KLRG1: variants seen among roughly 807,000 people sequenced by gnomAD.
The protein encoded by KLRG1 is killer cell lectin-like receptor subfamily G member 1.
Under a neutral mutation model 21.8 loss-of-function variants are expected in KLRG1, and 16 were observed. The observed-to-expected ratio is 0.73, with a 90% CI of 0.50 to 1.11. The LOEUF is 1.11. KLRG1 is among the 50% of genes most tolerant of loss of function. The pLI, the probability that KLRG1 is intolerant of heterozygous loss-of-function variation, is 0.00. For missense variants in KLRG1, 173 were observed against 218.3 expected (o/e 0.79, Z 1.31); for synonymous variants, 69 against 75.9 (o/e 0.91, Z 0.47).
the KLRG1 span, chr12:9,153,153 A>T: frequency 2.5e-6 from 4 of 1,614,014 alleles, no homozygotes; most frequent in South Asian, 4.4e-5. Context: ...TTCCCCAGTT[A>T]CTGTTATGAC....
chr12:9,202,326 T>G, the KLRG1 span: 1 of 1,613,906 alleles, frequency 6.2e-7, no homozygotes, highest in Non-Finnish European at 8.5e-7. Flanking sequence ...TACCAGTTCA[T>G]TTCGAGGGCG....
chr12:9,125,982 C>G, the KLRG1 span, among the ~76,000 whole-genome samples: 20 of 152,206 alleles, frequency 1.3e-4, no homozygotes, highest in Non-Finnish European at 2.9e-4. Context: ...ATCCACCCAC[C>G]TCGGCCTCCC....
At chr12:9,085,714 T>C in the KLRG1 span, among the ~76,000 whole-genome samples, 80,756 of 151,404 alleles carry the variant, frequency 0.53, 22,642 homozygotes, top group African/African-American at 0.69. Context: ...TCAATGAAAC[T>C]GAATTGTTTT....
At chr12:9,202,514 T>C in the KLRG1 span, 1 of 1,613,708 alleles carries the variant, frequency 6.2e-7, no homozygotes, top group Non-Finnish European at 8.5e-7. Context: ...CAGTGGAATT[T>C]CCCTACTTAC....
chr12:9,046,706 T>C, the KLRG1 span, among the ~76,000 whole-genome samples: 1 of 152,062 alleles, frequency 6.6e-6, no homozygotes, highest in Non-Finnish European at 1.5e-5. Flanking sequence ...AAAACAAAAA[T>C]TGAGAGAAAT....
the KLRG1 span, among the ~76,000 whole-genome samples, chr12:9,173,637 T>C: frequency 1.3e-5 from 2 of 152,032 alleles, no homozygotes; most frequent in African/African-American, 4.8e-5. Flanking sequence ...TCAGAAATGA[T>C]AGGGGAATAT....
At chr12:9,040,582 AACTT>A in the KLRG1 span, among the ~76,000 whole-genome samples, 1 of 152,136 alleles carries the variant, frequency 6.6e-6, no homozygotes, top group African/African-American at 2.4e-5. Context: ...ATTTTACTAA[AACTT>A]ACTTTTATTT....
At chr12:9,104,496 G>T in the KLRG1 span, 1 of 1,310,578 alleles carries the variant, frequency 7.6e-7, no homozygotes, top group South Asian at 1.5e-5. Flanking sequence ...CCTCTATGTT[G>T]AACATGGTTC....
intron 1 of KLRG1, among the ~76,000 whole-genome samples, chr12:8,978,493 C>T (rs1047975685): frequency 1.3e-5 from 2 of 151,964 alleles, no homozygotes; most frequent in African/African-American, 4.8e-5. Flanking sequence ...CATTTTTAAA[C>T]AATAATTTTT....
chr12:9,129,930 C>T, the KLRG1 span, among the ~76,000 whole-genome samples: 2 of 152,180 alleles, frequency 1.3e-5, no homozygotes, highest in East Asian at 3.8e-4. Context: ...TTATATCTTG[C>T]AAATCTGAAA....
intron 1 of KLRG1, among the ~76,000 whole-genome samples, chr12:8,978,656 CT>C (rs369658965): frequency 0.25 from 37,566 of 147,344 alleles, 5,612 homozygotes; most frequent in Non-Finnish European, 0.33. Context: ...TTCTTTCTTT[CT>C]TTCTTTCTTT....
At chr12:9,022,986 G>A in the KLRG1 span, among the ~76,000 whole-genome samples, 6 of 152,144 alleles carry the variant, frequency 3.9e-5, no homozygotes, top group Non-Finnish European at 5.9e-5. Context: ...CCATTTGGCC[G>A]TTCATCTGTA....
the KLRG1 span, among the ~76,000 whole-genome samples, chr12:9,132,884 A>G: frequency 0.064 from 9,780 of 152,260 alleles, 424 homozygotes; most frequent in Non-Finnish European, 0.093. Context: ...ATGAAACACT[A>G]CTGATCACAA....
the KLRG1 span, among the ~76,000 whole-genome samples, chr12:9,179,865 A>G: frequency 1.3e-5 from 2 of 152,248 alleles, no homozygotes; most frequent in Non-Finnish European, 2.9e-5. Context: ...CTTTACAGAA[A>G]TAGAAGCTGT....
chr12:9,144,304 C>G, the KLRG1 span, among the ~76,000 whole-genome samples: 1 of 152,156 alleles, frequency 6.6e-6, no homozygotes, highest in African/African-American at 2.4e-5. Flanking sequence ...ACTCTGAGAG[C>G]CCACTGGAGA....
chr12:9,166,586 T>C, the KLRG1 span, among the ~76,000 whole-genome samples: 1 of 152,210 alleles, frequency 6.6e-6, no homozygotes, highest in African/African-American at 2.4e-5. Context: ...GTGGTTGCTA[T>C]ACTAAAAATG....
the KLRG1 span, among the ~76,000 whole-genome samples, chr12:9,108,315 A>T: frequency 2.0e-5 from 3 of 151,856 alleles, no homozygotes; most frequent in Admixed American, 6.6e-5. Context: ...TTTAGTAGAG[A>T]CGGGGTTTCA....
chr12:9,150,657 A>G, the KLRG1 span: 1 of 1,604,266 alleles, frequency 6.2e-7, no homozygotes. Flanking sequence ...TCTCATAGTA[A>G]TCATAGACTT....
the KLRG1 span, among the ~76,000 whole-genome samples, chr12:9,079,035 A>C: frequency 4.6e-5 from 7 of 152,060 alleles, no homozygotes; most frequent in African/African-American, 1.7e-4. Flanking sequence ...TATTAATAGG[A>C]TCCATTTTGG....
Sources: gnomAD v4.1 joint callset for allele counts (sites outside exome capture counted in the v4.1 genomes callset) on GRCh38, gnomAD v4.1.1 for gene constraint, MANE v1.5 for transcripts, NCBI Gene and HGNC (gene_info 2026-07-23, HGNC 2026-07-21) for gene names.